The following RAF1 variants were observed in gnomAD, a reference collection of about 807,000 sequenced individuals.
The protein encoded by RAF1 is Raf-1 proto-oncogene, serine/threonine kinase.
A neutral mutation model predicts 81.1 loss-of-function variants in RAF1; 27 were observed. The ratio of observed to expected loss-of-function variants is 0.33; its 90% confidence interval spans 0.25 to 0.46. The LOEUF is 0.46. Among genes scored for constraint, RAF1 ranks in the 20% least tolerant of loss-of-function variants. The probability of loss-of-function intolerance (pLI) is 1.00; values close to 1 mark genes in which losing one functional copy is unlikely to be tolerated. For missense variants in RAF1, 598 were observed against 826.0 expected, an observed-to-expected ratio of 0.72 and a Z score of 3.38; for synonymous variants, 298 against 294.0, an observed-to-expected ratio of 1.01 and a Z score of -0.14.
chr3:12,611,851 A>G, intron 3 of RAF1, 99 bp downstream of exon 3: 2 of 871,740 alleles, frequency 2.3e-6, no homozygotes, highest in East Asian at 2.4e-5. Context: ...AATATACAAT[A>G]TTCTATAGGA....
intron 1 of RAF1, among the ~76,000 whole-genome samples, chr3:12,632,735 TC>T (rs1466100491): frequency 6.6e-6 from 1 of 152,214 alleles, no homozygotes; most frequent in Non-Finnish European, 1.5e-5. Flanking sequence ...CCCAGGCTGA[TC>T]CTTTTGTAGT....
chr3:12,624,745 T>TA (rs1205535690), intron 1 of RAF1, among the ~76,000 whole-genome samples: 1 of 152,082 alleles, frequency 6.6e-6, no homozygotes, highest in Non-Finnish European at 1.5e-5. Flanking sequence ...ATCACCCCTG[T>TA]AATCCCAGCA....
intron 1 of RAF1, among the ~76,000 whole-genome samples, chr3:12,625,179 G>T (rs927108315): frequency 1.3e-5 from 2 of 151,910 alleles, no homozygotes; most frequent in Admixed American, 1.3e-4. Context: ...CACCTTCTGG[G>T]TTCAAGTGAT....
At chr3:12,598,743 A>C (rs1038018970) in intron 11 of RAF1, among the ~76,000 whole-genome samples, 4 of 148,436 alleles carry the variant, frequency 2.7e-5, no homozygotes, top group African/African-American at 7.6e-5. Flanking sequence ...AAAAAAAAAA[A>C]AAAAAAAAAA....
At chr3:12,635,122 T>G (rs2059978135) in intron 1 of RAF1, among the ~76,000 whole-genome samples, 1 of 151,648 alleles carries the variant, frequency 6.6e-6, no homozygotes, top group Non-Finnish European at 1.5e-5. Context: ...GCTCATGAGT[T>G]CAAGACCAGC....
chr3:12,642,819 T>C (rs1295704859), intron 1 of RAF1, among the ~76,000 whole-genome samples: 1 of 149,266 alleles, frequency 6.7e-6, no homozygotes, highest in African/African-American at 2.5e-5. Flanking sequence ...ACAGGGAGGT[T>C]GAGGCTGCAG....
In RAF1 at chr3:12,591,671, CACTCCAGA is replaced by C. The variant is rs1260986376; in HGVS notation, c.1253+29_1253+36del. 3.2e-6 allele frequency: 5 copies of C among 1,562,908 alleles called. No homozygotes were observed. The South Asian group carries it at 5.6e-5, about 17-fold the overall frequency. On this transcript the variant is annotated intron_variant, in intron 12 of 17. Transcript: ENST00000442415. ...ACAGTCCTTGTACTCCCCACTCCAG[CACTCCAGA>C]GGGACTGGACCGCCAGCTTTCTACT...
intron 7 of RAF1, 125 bp downstream of exon 7, chr3:12,604,011 A>T: frequency 9.2e-7 from 1 of 1,086,610 alleles, no homozygotes; most frequent in Non-Finnish European, 1.4e-6. Context: ...AAACTGTAAA[A>T]GTCCAGAGAC....
intron 1 of RAF1, among the ~76,000 whole-genome samples, chr3:12,643,482 T>TTCAAA (rs1450949106): frequency 6.6e-6 from 1 of 152,140 alleles, no homozygotes; most frequent in Non-Finnish European, 1.5e-5. Flanking sequence ...GGCTCACACC[T>TTCAAA]GTAATCCCAG....
intron 1 of RAF1, among the ~76,000 whole-genome samples, chr3:12,636,379 GAA>G (rs2060031520): frequency 6.7e-6 from 1 of 149,786 alleles, no homozygotes; most frequent in Non-Finnish European, 1.5e-5. Flanking sequence ...GGCCATGGTG[GAA>G]GAATCGCTTA....
Position 12,587,580 on chromosome 3 carries a change from C to G in RAF1, c.1477+11G>C. On this transcript the variant is annotated intron_variant, in intron 14 of 17. Transcript: ENST00000442415. ...CCGAGCAGTCAAATGAACTCAACAA[C>G]CAAAGGATACTGTTGGATTTCATGT... The G allele has an allele frequency of 1.2e-6, 2 of 1,604,652 alleles. No individual in the cohort carries two copies. Among genetic ancestry groups the G allele is most frequent in the Non-Finnish European group, 1.7e-6 (2 of 1,171,480 alleles).
At chr3:12,600,511 G>C in intron 8 of RAF1, 96 bp from the exon 8 acceptor site, 2 of 1,369,582 alleles carry the variant, frequency 1.5e-6, no homozygotes, top group South Asian at 1.2e-5. Flanking sequence ...GAACAAAATA[G>C]ATTATAAAAA....
intron 11 of RAF1, among the ~76,000 whole-genome samples, chr3:12,598,737 A>AC (rs2058762728): frequency 6.8e-6 from 1 of 146,782 alleles, no homozygotes; most frequent in African/African-American, 2.6e-5. Context: ...AAAAAAAAAA[A>AC]AAAAAAAAAA....
chr3:12,584,682 T>C (rs768336712), intron 17 of RAF1, 25 bp from the exon 17 acceptor site: 14 of 1,614,050 alleles, frequency 8.7e-6, no homozygotes, highest in South Asian at 4.4e-5. Context: ...AAGAATGCTC[T>C]CATTAGCTGT....
chr3:12,585,945 T>TCTTTAAAGTG, intron 14 of RAF1, 146 bp from the exon 14 acceptor site: 1 of 695,736 alleles, frequency 1.4e-6, no homozygotes, highest in South Asian at 1.6e-5. Context: ...TTTCTGAAGT[T>TCTTTAAAGTG]CTTTAAAGTG....
intron 2 of RAF1, 145 bp from the exon 3 acceptor site, chr3:12,612,207 T>A (rs549468649): frequency 1.4e-6 from 1 of 698,614 alleles, no homozygotes; most frequent in East Asian, 2.7e-5. Context: ...TGTCCAGCAA[T>A]AGGAAAGTAC....
chr3:12,629,891 T>C (rs948149663), intron 1 of RAF1, among the ~76,000 whole-genome samples: 1 of 152,222 alleles, frequency 6.6e-6, no homozygotes, highest in Non-Finnish European at 1.5e-5. Context: ...CAAGCAATCC[T>C]CCTGCCTCAG....
intron 11 of RAF1, among the ~76,000 whole-genome samples, chr3:12,597,664 C>T (rs1345942496): frequency 2.0e-5 from 3 of 152,140 alleles, no homozygotes; most frequent in African/African-American, 7.2e-5. Flanking sequence ...CCTGCAATCC[C>T]AGTACTTTGG....
At chr3:12,615,745 T>C (rs1020463838) in intron 2 of RAF1, among the ~76,000 whole-genome samples, 26 of 152,104 alleles carry the variant, frequency 1.7e-4, no homozygotes, top group African/African-American at 6.0e-4. Context: ...CATAGATGTA[T>C]AAAAAGCTAA....
Sources: allele counts gnomAD v4.1 joint callset (sites outside exome capture counted in the v4.1 genomes callset), GRCh38; gene constraint gnomAD v4.1.1; transcripts MANE v1.5; gene names NCBI Gene and HGNC (gene_info 2026-07-23, HGNC 2026-07-21).